The following NUP205 variants were observed in gnomAD, a reference collection of about 807,000 sequenced individuals.
NUP205 encodes nucleoporin 205, also known as nuclear pore complex protein Nup205.
A neutral mutation model predicts 253.8 loss-of-function variants in NUP205; 76 were observed. The observed-to-expected ratio is 0.30, with a 90% CI of 0.25 to 0.36. NUP205 has a LOEUF of 0.36. NUP205 is among the 10% of genes least tolerant of loss of function. The pLI, the probability that NUP205 is intolerant of heterozygous loss-of-function variation, is 1.00. For missense variants in NUP205, 2,162 were observed against 2,425.5 expected (o/e 0.89, Z 2.28); for synonymous variants, 832 against 850.1 (o/e 0.98, Z 0.37).
chr7:135,564,923 T>C (rs139540509), intron 1 of NUP205, among the ~76,000 whole-genome samples: 2 of 151,974 alleles, frequency 1.3e-5, no homozygotes, highest in African/African-American at 2.4e-5. Flanking sequence ...CACGCCACCA[T>C]GCCTGGCTAC....
intron 31 of NUP205, among the ~76,000 whole-genome samples, chr7:135,624,445 C>T (rs186920808): frequency 3.3e-5 from 5 of 152,168 alleles, no homozygotes; most frequent in Admixed American, 2.0e-4. Flanking sequence ...GGCACGATCT[C>T]GGCTCACTGC....
intron 30 of NUP205, among the ~76,000 whole-genome samples, 180 bp downstream of exon 30, chr7:135,620,068 G>A (rs1794444811): frequency 6.6e-6 from 1 of 152,120 alleles, no homozygotes; most frequent in Non-Finnish European, 1.5e-5. Context: ...GAATTATGAA[G>A]TAGTACATGA....
At chr7:135,572,280 A>G (rs1011173258) in intron 2 of NUP205, among the ~76,000 whole-genome samples, 2 of 152,236 alleles carry the variant, frequency 1.3e-5, no homozygotes, top group African/African-American at 4.8e-5. Flanking sequence ...AATTTAGTAT[A>G]TTCCAGAAAT....
intron 32 of NUP205, 23 bp from the exon 33 acceptor site, chr7:135,626,217 A>G: frequency 6.2e-7 from 1 of 1,613,182 alleles, no homozygotes; most frequent in Non-Finnish European, 8.5e-7. Context: ...AGCACTGATG[A>G]TTTTTCTCTT....
Position 135,611,836 on chromosome 7 carries a change from C to T in NUP205, c.3196-2323C>T, listed in dbSNP as rs542736967. 6.6e-5 allele frequency among the ~76,000 whole-genome samples: 10 copies of T among 152,194 alleles called. No individual in the cohort carries two copies. In the South Asian group the frequency reaches 8.3e-4, roughly 13 times the overall value. On this transcript the variant is annotated intron_variant, in intron 22 of 42. Transcript: ENST00000285968. ...TTTTTCTTAAGAATATATTTCCAGG[C>T]GGGCACTGTGGGTCACACCTGTAAT...
chr7:135,574,388 A>C (rs1253819830), intron 3 of NUP205, among the ~76,000 whole-genome samples: 1 of 152,224 alleles, frequency 6.6e-6, no homozygotes, highest in Non-Finnish European at 1.5e-5. Flanking sequence ...AGAGAGGTGG[A>C]GGCTGGCTAG....
Position 135,630,453 on chromosome 7 carries a change from G to A in NUP205, c.5042G>A (p.Ser1681Asn). ...TTGGCTCTGCTGACAGGAATTATAA[G>A]TAAAGCAGCACTTCCTGGTGAGTTG... ...QELALLTGIISKAALPGILSE... is the reference protein window; with the variant it reads ...QELALLTGIINKAALPGILSE... Residue 1681 changes from serine (S) to asparagine (N), a missense_variant, in exon 35 of 43, where the codon AGT becomes AAT. This residue lies in a region of NUP205 where 1,144 missense variants were observed against 1,280.9 expected (regional missense o/e 0.89). Coordinates refer to ENST00000285968, the MANE Select transcript of NUP205 (RefSeq NM_015135.3). 6.2e-7 allele frequency: 1 copy of A among 1,607,236 alleles called. No homozygotes were observed. The highest frequency in any genetic ancestry group is 8.5e-7 in the Non-Finnish European group (1 of 1,176,302).
chr7:135,643,727 A>T (rs1794958077), intron 39 of NUP205, among the ~76,000 whole-genome samples: 1 of 152,164 alleles, frequency 6.6e-6, no homozygotes, highest in African/African-American at 2.4e-5. Flanking sequence ...CTGTTTAGCA[A>T]ATCTTTCAAA....
chr7:135,603,358 C>A (rs1245354919), intron 18 of NUP205, among the ~76,000 whole-genome samples: 1 of 151,836 alleles, frequency 6.6e-6, no homozygotes, highest in Non-Finnish European at 1.5e-5. Flanking sequence ...CATGATCTGC[C>A]CGCCTCAGCC....
chr7:135,607,187 C>T lies in NUP205; in HGVS notation c.3071-60C>T, dbSNP rs1053923140. 3.8e-6 allele frequency: 6 copies of T among 1,590,376 alleles called. No homozygotes were observed. In the African/African-American group the frequency reaches 6.8e-5, roughly 18 times the overall value. ...AGAATTTAACTTTTGAAAAGGCAGT[C>T]TAAGATTTTAATGCAGCAATTCTAA... On this transcript the variant is annotated intron_variant, in intron 21 of 42. Coordinates refer to ENST00000285968, the MANE Select transcript of NUP205 (RefSeq NM_015135.3).
intron 34 of NUP205, among the ~76,000 whole-genome samples, chr7:135,629,931 C>A (rs1348149361): frequency 2.6e-5 from 4 of 152,164 alleles, no homozygotes; most frequent in Admixed American, 6.5e-5. Flanking sequence ...AGAACAGCTT[C>A]TTGAATTCAC....
chr7:135,562,795 C>T (rs984409922), intron 1 of NUP205, among the ~76,000 whole-genome samples: 12 of 152,034 alleles, frequency 7.9e-5, no homozygotes, highest in African/African-American at 2.9e-4. Flanking sequence ...CTGCCCGCCT[C>T]GGTATCCCAA....
In NUP205 at chr7:135,618,505, C is replaced by T; in HGVS notation, c.3865C>T (p.Leu1289=). Residue 1289 remains leucine (L), a synonymous_variant, in exon 28 of 43, where the codon CTA becomes TTA. Coordinates refer to ENST00000285968, the MANE Select transcript of NUP205 (RefSeq NM_015135.3). The part of the protein sequence containing the change: ...KRHALESWRQ[L]VEIILTACPQ... ...TCATGCTCTGGAGTCGTGGAGGCAA[C>T]TAGTAGAAATTATACTGACAGCTTG... 6.2e-7 allele frequency: 1 copy of T among 1,614,024 alleles called. No homozygotes were observed. Among genetic ancestry groups the T allele is most frequent in the Non-Finnish European group, 8.5e-7 (1 of 1,179,956 alleles).
chr7:135,609,012 G>A (rs1458612753), intron 22 of NUP205, among the ~76,000 whole-genome samples: 1 of 149,128 alleles, frequency 6.7e-6, no homozygotes. Flanking sequence ...GCTGAGGCAG[G>A]AGAATTGCTT....
At chr7:135,593,330 A>G (rs1002536675) in intron 12 of NUP205, 138 bp downstream of exon 12, 7 of 769,612 alleles carry the variant, frequency 9.1e-6, no homozygotes, top group Non-Finnish European at 1.4e-5. Flanking sequence ...TTCTGCCCTT[A>G]AGTTTTTTGT....
At chr7:135,614,026 GT>G (rs1794298732) in intron 22 of NUP205, 132 bp from the exon 23 acceptor site, 1 of 541,502 alleles carries the variant, frequency 1.8e-6, no homozygotes, top group East Asian at 3.1e-5. Flanking sequence ...TTGTGCATCT[GT>G]TTGTCCATTT....
chr7:135,589,042 A>C (rs1297185228), intron 10 of NUP205, among the ~76,000 whole-genome samples: 1 of 150,826 alleles, frequency 6.6e-6, no homozygotes, highest in African/African-American at 2.4e-5. Context: ...GTGTGCTATC[A>C]TGAGCCTGTA....
chr7:135,602,944 G>A lies in NUP205; in HGVS notation c.2652G>A (p.Gln884=). 6.2e-7 allele frequency: 1 copy of A among 1,613,854 alleles called. No homozygotes were observed. Among genetic ancestry groups the A allele is most frequent in the South Asian group, 1.1e-5 (1 of 91,048 alleles). ...TCTGTCCTTTAGAACAGCTTTTGCA[G>A]GGAATTAATCCCAGAACTAAGAAGG... ...LIVCPLEQLL[Q]GINPRTKKAD... The change falls in exon 18 of 43, where the codon CAG becomes CAA. Residue 884 remains glutamine (Q), a synonymous_variant. Coordinates refer to ENST00000285968, the MANE Select transcript of NUP205 (RefSeq NM_015135.3).
At chr7:135,648,098 A>G (rs1795046866) in intron 42 of NUP205, among the ~76,000 whole-genome samples, 1 of 150,850 alleles carries the variant, frequency 6.6e-6, no homozygotes, top group African/African-American at 2.4e-5. Flanking sequence ...ATGGCCCTTC[A>G]GGAAATGTTT....
Sources: allele counts gnomAD v4.1 joint callset (sites outside exome capture counted in the v4.1 genomes callset), GRCh38; gene constraint gnomAD v4.1.1; regional missense constraint gnomAD v4.1.1; transcripts MANE v1.5; gene names NCBI Gene and HGNC (gene_info 2026-07-23, HGNC 2026-07-21).